The following GUCY1A2 variants were observed in gnomAD, a reference collection of about 807,000 sequenced individuals.
GUCY1A2 encodes guanylate cyclase 1 soluble subunit alpha 2.
A neutral mutation model predicts 63.5 loss-of-function variants in GUCY1A2; 27 were observed. The observed-to-expected ratio is 0.43, with a 90% CI of 0.31 to 0.59. The LOEUF (loss-of-function observed/expected upper bound fraction) is 0.59. Ranked by LOEUF, GUCY1A2 falls within the 20% of genes least tolerant of loss-of-function variation. GUCY1A2 has a pLI of 0.11. For synonymous variants in GUCY1A2, 364 were observed against 343.5 expected (o/e 1.06, Z -0.66); for missense variants, 768 against 913.3 (o/e 0.84, Z 2.05).
intron 6 of GUCY1A2, among the ~76,000 whole-genome samples, chr11:106,771,807 C>T (rs892933239): frequency 6.6e-6 from 1 of 151,436 alleles, no homozygotes; most frequent in Non-Finnish European, 1.5e-5. Flanking sequence ...AAAAAGGAAA[C>T]AGTCATAATG....
chr11:107,017,774 G>A lies in GUCY1A2; in HGVS notation c.282C>T (p.Ile94=). Residue 94 remains isoleucine, a synonymous_variant, in exon 1 of 8, where the codon ATC becomes ATT. Coordinates refer to ENST00000526355, the MANE Select transcript of GUCY1A2 (RefSeq NM_000855.3). The part of the protein sequence containing the change: ...RVNLDSLGES[I]SRLTAPSPQT... Reference sequence around the variant, plus strand: ...TCACCGAGGGCGCCGTCAGGCGGCTGATGCTCTCGCCCAGCGAGTCCAGGT... The same window carrying A: ...TCACCGAGGGCGCCGTCAGGCGGCTAATGCTCTCGCCCAGCGAGTCCAGGT... 1.4e-6 allele frequency: 2 copies of A among 1,425,166 alleles called. No individual in the cohort carries two copies. Among genetic ancestry groups the A allele is most frequent in the African/African-American group, 1.5e-5 (1 of 68,020 alleles). 88.3% of individuals were successfully genotyped at this position (1,425,166 alleles called of 1,614,324 possible).
chr11:106,986,273 T>A, intron 1 of GUCY1A2, 142 bp from the exon 2 acceptor site: 1 of 503,040 alleles, frequency 2.0e-6, no homozygotes, highest in South Asian at 3.5e-5. Context: ...TTTTGCATCA[T>A]GCCATGTATT....
intron 4 of GUCY1A2, among the ~76,000 whole-genome samples, chr11:106,812,043 G>T (rs1858768669): frequency 6.6e-6 from 1 of 151,890 alleles, no homozygotes; most frequent in Admixed American, 6.6e-5. Context: ...TTTACAGATT[G>T]TTTGTATATG....
chr11:106,744,340 G>T (rs2135380710), intron 6 of GUCY1A2, among the ~76,000 whole-genome samples: 1 of 148,326 alleles, frequency 6.7e-6, no homozygotes, highest in Non-Finnish European at 1.5e-5. Context: ...TCCACCTCCT[G>T]GGTTCATGCC....
chr11:106,979,378 C>A (rs1365281647), intron 2 of GUCY1A2, among the ~76,000 whole-genome samples: 1 of 151,032 alleles, frequency 6.6e-6, no homozygotes, highest in Admixed American at 6.6e-5. Context: ...TGGTGTGAAC[C>A]CAGGAGGCGG....
intron 4 of GUCY1A2, among the ~76,000 whole-genome samples, chr11:106,920,007 A>T (rs570120691): frequency 6.6e-6 from 1 of 152,282 alleles, no homozygotes; most frequent in South Asian, 2.1e-4. Flanking sequence ...AAAAAATTAC[A>T]GGTTGACTCA....
At chr11:106,847,243 T>A (rs58964591) in intron 4 of GUCY1A2, among the ~76,000 whole-genome samples, 39,369 of 99,764 alleles carry the variant, frequency 0.39, 5,334 homozygotes, top group African/African-American at 0.44. Flanking sequence ...AAAAAAAAAA[T>A]ATATATATAT....
intron 4 of GUCY1A2, among the ~76,000 whole-genome samples, chr11:106,930,930 G>A (rs1416247797): frequency 1.3e-5 from 2 of 152,152 alleles, no homozygotes; most frequent in African/African-American, 4.8e-5. Context: ...TTCAACCTAA[G>A]ATATCAATAG....
intron 4 of GUCY1A2, among the ~76,000 whole-genome samples, chr11:106,811,650 T>G (rs534902191): frequency 6.6e-6 from 1 of 152,214 alleles, no homozygotes; most frequent in South Asian, 2.1e-4. Flanking sequence ...CTTGTACCAT[T>G]CACCAAGATC....
At chr11:106,762,214 C>A (rs551209001) in intron 6 of GUCY1A2, among the ~76,000 whole-genome samples, 2 of 151,996 alleles carry the variant, frequency 1.3e-5, no homozygotes, top group Non-Finnish European at 2.9e-5. Flanking sequence ...TATTAAAAAC[C>A]TGGAAGTCAA....
At chr11:106,712,243 A>G (rs1460619567) in intron 6 of GUCY1A2, among the ~76,000 whole-genome samples, 1 of 152,022 alleles carries the variant, frequency 6.6e-6, no homozygotes, top group African/African-American at 2.4e-5. Flanking sequence ...TTCTATTGCT[A>G]TGTCTTCAAA....
intron 3 of GUCY1A2, among the ~76,000 whole-genome samples, chr11:106,971,823 A>G (rs1207549662): frequency 6.6e-6 from 1 of 152,140 alleles, no homozygotes; most frequent in Non-Finnish European, 1.5e-5. Flanking sequence ...CCATTCTCCA[A>G]TAAAAGGTAT....
chr11:106,977,957 C>T (rs1400048777), intron 3 of GUCY1A2, among the ~76,000 whole-genome samples: 2 of 152,072 alleles, frequency 1.3e-5, no homozygotes, highest in Admixed American at 6.6e-5. Flanking sequence ...GCATGGAATA[C>T]AATGTAGCTC....
intron 6 of GUCY1A2, among the ~76,000 whole-genome samples, chr11:106,710,434 ACTG>A (rs972778440): frequency 6.3e-5 from 9 of 142,288 alleles, no homozygotes; most frequent in Non-Finnish European, 1.4e-4. Flanking sequence ...ATATTTCTTT[ACTG>A]CTGAATATTC....
intron 4 of GUCY1A2, among the ~76,000 whole-genome samples, chr11:106,883,574 T>C (rs1176660577): frequency 6.6e-6 from 1 of 152,146 alleles, no homozygotes; most frequent in Non-Finnish European, 1.5e-5. Flanking sequence ...TAAATCAGAA[T>C]TCAGGTAAGG....
At chr11:106,719,916 C>T (rs1863284405) in intron 6 of GUCY1A2, among the ~76,000 whole-genome samples, 1 of 152,130 alleles carries the variant, frequency 6.6e-6, no homozygotes, top group African/African-American at 2.4e-5. Flanking sequence ...TACTGTTTGC[C>T]CAGGAAATCA....
intron 4 of GUCY1A2, chr11:106,827,514 A>T (rs906951852): frequency 8.2e-6 from 12 of 1,469,324 alleles, no homozygotes; most frequent in East Asian, 2.3e-5. Flanking sequence ...TTCCTAATAC[A>T]TAAGGATTTC....
At chr11:106,933,196 C>A (rs537428444) in intron 4 of GUCY1A2, among the ~76,000 whole-genome samples, 4 of 151,954 alleles carry the variant, frequency 2.6e-5, no homozygotes, top group African/African-American at 9.7e-5. Context: ...AGAAAATATT[C>A]ATAAACTATG....
chr11:107,005,239 T>C (rs1861657147), intron 1 of GUCY1A2, among the ~76,000 whole-genome samples: 2 of 152,296 alleles, frequency 1.3e-5, no homozygotes, highest in Non-Finnish European at 2.9e-5. Flanking sequence ...ATAGCTGCTG[T>C]GGACATAATT....
Sources: gnomAD v4.1 joint callset for allele counts (sites outside exome capture counted in the v4.1 genomes callset) on GRCh38, gnomAD v4.1.1 for gene constraint, MANE v1.5 for transcripts, NCBI Gene and HGNC (gene_info 2026-07-23, HGNC 2026-07-21) for gene names.